The following GPATCH2 variants were observed in gnomAD, a reference collection of about 807,000 sequenced individuals.
The protein encoded by GPATCH2 is G-patch domain containing 2, also known as G patch domain-containing protein 2.
A neutral mutation model predicts 58.0 loss-of-function variants in GPATCH2; 51 were observed. The ratio of observed to expected loss-of-function variants is 0.88; its 90% CI spans 0.70 to 1.11. The LOEUF is 1.11. Ranked by LOEUF, GPATCH2 falls within the 50% of genes most tolerant of loss-of-function variation. The pLI is 0.00. For synonymous variants in GPATCH2, 222 were observed against 218.5 expected, an observed-to-expected ratio of 1.02 and a Z score of -0.14; for missense variants, 625 against 652.2, an observed-to-expected ratio of 0.96 and a Z score of 0.45.
chr1:217,439,466 G>A (rs1452726709), intron 9 of GPATCH2, among the ~76,000 whole-genome samples: 1 of 152,036 alleles, frequency 6.6e-6, no homozygotes, highest in Non-Finnish European at 1.5e-5. Flanking sequence ...AACTAGAGAA[G>A]CAAGGGCAAA....
At chr1:217,448,116 A>T (rs916815903) in intron 9 of GPATCH2, among the ~76,000 whole-genome samples, 15 of 151,794 alleles carry the variant, frequency 9.9e-5, no homozygotes, top group African/African-American at 3.6e-4. Context: ...AAAAAAAAAA[A>T]ATAGAGAATG....
At chr1:217,459,914 G>A (rs1660126244) in intron 8 of GPATCH2, among the ~76,000 whole-genome samples, 1 of 152,076 alleles carries the variant, frequency 6.6e-6, no homozygotes, top group Non-Finnish European at 1.5e-5. Flanking sequence ...GTTCCGTTCT[G>A]AGGTAGCATG....
At position 217,430,771 on chromosome 1, in the gene GPATCH2, A is replaced by G. The variant is rs1368381105; in HGVS notation, c.*374T>C. The G allele has an allele frequency of 4.6e-6, 1 of 219,594 alleles. No homozygotes were observed. Among genetic ancestry groups the G allele is most frequent in the Non-Finnish European group, 9.0e-6 (1 of 110,672 alleles). 13.6% of individuals were successfully genotyped at this position (219,594 alleles called of 1,614,324 possible). On this transcript the variant is annotated 3_prime_UTR_variant, in exon 10 of 10. Transcript: ENST00000366935. ...AACACAATCTTTTCCTGTCTATTCC[A>G]TTTTAGAAACTGGTGGGTGTGCTCA...
chr1:217,508,711 T>A (rs1662687701), intron 6 of GPATCH2, among the ~76,000 whole-genome samples: 1 of 152,114 alleles, frequency 6.6e-6, no homozygotes, highest in Non-Finnish European at 1.5e-5. Flanking sequence ...TTTTAAAAAG[T>A]CAACAGAATA....
At chr1:217,551,593 T>G (rs1403328086) in intron 5 of GPATCH2, among the ~76,000 whole-genome samples, 2 of 152,152 alleles carry the variant, frequency 1.3e-5, no homozygotes, top group African/African-American at 4.8e-5. Flanking sequence ...AAAAGTCTCC[T>G]TTGCCAGCCA....
chr1:217,612,385 A>G (rs1668678045), intron 3 of GPATCH2, among the ~76,000 whole-genome samples: 1 of 152,200 alleles, frequency 6.6e-6, no homozygotes, highest in African/African-American at 2.4e-5. Context: ...TACAACAGAC[A>G]TCTTTAAAGG....
intron 6 of GPATCH2, among the ~76,000 whole-genome samples, chr1:217,511,216 C>G (rs1202616525): frequency 6.6e-6 from 1 of 152,126 alleles, no homozygotes; most frequent in East Asian, 1.9e-4. Flanking sequence ...CACATCAATA[C>G]CAGCACAATA....
chr1:217,456,022 C>G (rs1048853412), intron 8 of GPATCH2, among the ~76,000 whole-genome samples: 1 of 152,084 alleles, frequency 6.6e-6, no homozygotes, highest in Non-Finnish European at 1.5e-5. Context: ...ACTCCGTCCC[C>G]TTCCCAGCTC....
At chr1:217,572,205 T>C (rs1485904155) in intron 5 of GPATCH2, among the ~76,000 whole-genome samples, 1 of 152,130 alleles carries the variant, frequency 6.6e-6, no homozygotes, top group Non-Finnish European at 1.5e-5. Context: ...GATACATTGA[T>C]AGCTAGTAGA....
intron 5 of GPATCH2, among the ~76,000 whole-genome samples, chr1:217,581,502 T>C (rs541220159): frequency 6.6e-5 from 10 of 152,278 alleles, no homozygotes; most frequent in South Asian, 6.2e-4. Flanking sequence ...CAATATACGA[T>C]GCAAGGCAAA....
At position 217,619,917 on chromosome 1, in the gene GPATCH2, C is replaced by A; in HGVS notation, c.639G>T (p.Lys213Asn). Residue 213 changes from lysine to asparagine, a missense_variant, in exon 2 of 10, where the codon AAG (lysine) becomes AAT (asparagine). Lys to Asn is a moderately conservative substitution (Grantham distance 94). Transcript: ENST00000366935. ...TTGGTCCTTGTCTGATTATTTTCAA[C>A]TTTCTTTTTTTGACTTTGTTCTTGG... ...EFTKNKVKKR[K>N]LKIIRQGPKI... 1 of 1,613,844 alleles carries A rather than the reference C, an allele frequency of 6.2e-7. No homozygotes were observed. Among genetic ancestry groups the A allele is most frequent in the Non-Finnish European group, 8.5e-7 (1 of 1,179,904 alleles).
chr1:217,460,171 C>G (rs1204981286), intron 8 of GPATCH2, among the ~76,000 whole-genome samples: 1 of 152,130 alleles, frequency 6.6e-6, no homozygotes, highest in African/African-American at 2.4e-5. Flanking sequence ...CATTACATAT[C>G]TGAGGAATCT....
chr1:217,460,484 G>C (rs1265408003), intron 8 of GPATCH2, among the ~76,000 whole-genome samples: 3 of 152,180 alleles, frequency 2.0e-5, no homozygotes, highest in Non-Finnish European at 4.4e-5. Context: ...AATTTTCAAA[G>C]AGAATCCTCA....
At chr1:217,622,188 G>C (rs780334629) in intron 1 of GPATCH2, among the ~76,000 whole-genome samples, 1 of 152,130 alleles carries the variant, frequency 6.6e-6, no homozygotes, top group Non-Finnish European at 1.5e-5. Context: ...CAAATGACTC[G>C]TAGGTAGCTA....
chr1:217,492,263 G>A (rs1031838952), intron 7 of GPATCH2, among the ~76,000 whole-genome samples: 2 of 152,012 alleles, frequency 1.3e-5, no homozygotes, highest in Admixed American at 1.3e-4. Context: ...AAAGAAACAC[G>A]CTTAAAACAT....
At chr1:217,608,406 A>G in intron 5 of GPATCH2, 1 of 984,692 alleles carries the variant, frequency 1.0e-6, no homozygotes, top group South Asian at 4.7e-5. Context: ...CCATCAAGTG[A>G]AACTTCATCA....
chr1:217,590,075 T>C (rs1571973999), intron 5 of GPATCH2, among the ~76,000 whole-genome samples: 1 of 151,016 alleles, frequency 6.6e-6, no homozygotes, highest in South Asian at 2.1e-4. Flanking sequence ...GGCTGGAGTG[T>C]AGTGGCACGA....
At chr1:217,527,914 A>G (rs983529896) in intron 5 of GPATCH2, among the ~76,000 whole-genome samples, 1 of 152,226 alleles carries the variant, frequency 6.6e-6, no homozygotes, top group Non-Finnish European at 1.5e-5. Context: ...TATAAAGATT[A>G]AACAACTACT....
chr1:217,466,900 C>T (rs763715146), intron 8 of GPATCH2, among the ~76,000 whole-genome samples: 1 of 152,148 alleles, frequency 6.6e-6, no homozygotes, highest in African/African-American at 2.4e-5. Flanking sequence ...CTGCTGGGCG[C>T]GGTGGCTCAC....
Sources: gnomAD v4.1 joint callset for allele counts (sites outside exome capture counted in the v4.1 genomes callset) on GRCh38, gnomAD v4.1.1 for gene constraint, MANE v1.5 for transcripts, NCBI Gene and HGNC (gene_info 2026-07-23, HGNC 2026-07-21) for gene names.